The following PLEKHA8 variants were observed in gnomAD, a reference collection of about 807,000 sequenced individuals.
PLEKHA8 encodes the protein pleckstrin homology domain containing A8.
A neutral mutation model predicts 68.2 loss-of-function variants in PLEKHA8; 36 were observed. The observed-to-expected ratio is 0.53, with a 90% CI of 0.40 to 0.70. The LOEUF is 0.70. Among genes scored for constraint, PLEKHA8 ranks in the 30% least tolerant of loss-of-function variants. The pLI is 0.00. For synonymous variants in PLEKHA8, 211 were observed against 216.1 expected (o/e 0.98, Z 0.20); for missense variants, 505 against 615.4 (o/e 0.82, Z 1.90).
At chr7:30,059,783 T>C (rs1583837904) in intron 9 of PLEKHA8, among the ~76,000 whole-genome samples, 2 of 152,198 alleles carry the variant, frequency 1.3e-5, no homozygotes, top group South Asian at 2.1e-4. Flanking sequence ...AAACCACATA[T>C]GTAATTTTAA....
downstream of PLEKHA8, among the ~76,000 whole-genome samples, chr7:30,089,297 T>G (rs932728449): frequency 2.6e-5 from 4 of 152,256 alleles, no homozygotes; most frequent in Admixed American, 1.3e-4. Context: ...AAGTGTCTCA[T>G]GCTGTTCTGG....
chr7:30,061,094 C>T, intron 10 of PLEKHA8, 152 bp downstream of exon 10: 1 of 684,708 alleles, frequency 1.5e-6, no homozygotes, highest in Non-Finnish European at 2.5e-6. Context: ...TGTGAATGCT[C>T]AGTAAGGGAA....
At chr7:30,050,337 A>G in intron 5 of PLEKHA8, 97 bp from the exon 6 acceptor site, 1 of 1,449,180 alleles carries the variant, frequency 6.9e-7, no homozygotes, top group South Asian at 1.4e-5. Context: ...TTTTATGGTC[A>G]TATGGTCATA....
At chr7:30,050,642 C>G (rs1387007035) in intron 6 of PLEKHA8, 168 bp downstream of exon 6, 2 of 873,826 alleles carry the variant, frequency 2.3e-6, no homozygotes, top group East Asian at 3.1e-5. Flanking sequence ...CTGAATCAAC[C>G]CAGAGCAGAC....
At position 30,084,176 on chromosome 7, in the gene PLEKHA8, C is replaced by G. The variant is rs1795082601; in HGVS notation, c.*5389C>G. 1.0e-6 allele frequency: 1 copy of G among 985,180 alleles called. No homozygotes were observed. Among genetic ancestry groups the G allele is most frequent in the African/African-American group, 1.7e-5 (1 of 57,354 alleles). 61.0% of individuals were successfully genotyped at this position (985,180 alleles called of 1,614,324 possible). ...AATTAATGTCTACATAAAGAAGAAA[C>G]ATGATAGACCAGATGCCAAAGGCTA... On this transcript the variant is annotated 3_prime_UTR_variant, in exon 14 of 14. Coordinates refer to ENST00000449726, the MANE Select transcript of PLEKHA8 (RefSeq NM_001197026.2).
At chr7:30,109,612 A>AAAG (rs796856565) in intron 13 of PLEKHA8, among the ~76,000 whole-genome samples, 76 of 104,856 alleles carry the variant, frequency 7.2e-4, no homozygotes, top group African/African-American at 2.1e-3. Context: ...AAAAAAAAAA[A>AAAG]AGAGAGAGAG....
intron 1 of PLEKHA8, among the ~76,000 whole-genome samples, chr7:30,042,249 G>C (rs1413298362): frequency 6.6e-6 from 1 of 152,142 alleles, no homozygotes; most frequent in Non-Finnish European, 1.5e-5. Flanking sequence ...GGACTTCTCA[G>C]TCTCTAGTCA....
chr7:30,116,372 T>A (rs1796563188), intron 13 of PLEKHA8, among the ~76,000 whole-genome samples: 1 of 151,986 alleles, frequency 6.6e-6, no homozygotes, highest in South Asian at 2.1e-4. Context: ...TGTGTGAATA[T>A]CTGTTTACAT....
At chr7:30,031,915 TC>T (rs1225204226) in intron 1 of PLEKHA8, among the ~76,000 whole-genome samples, 1 of 152,162 alleles carries the variant, frequency 6.6e-6, no homozygotes, top group Non-Finnish European at 1.5e-5. Context: ...AAAAGAAGTC[TC>T]TTCCCTTAAA....
At chr7:30,056,401 T>C (rs1792933261) in intron 9 of PLEKHA8, among the ~76,000 whole-genome samples, 1 of 137,242 alleles carries the variant, frequency 7.3e-6, no homozygotes, top group Non-Finnish European at 1.5e-5. Flanking sequence ...ATATAACACA[T>C]ATATATAACA....
At chr7:30,042,338 C>G (rs2127968140) in intron 1 of PLEKHA8, among the ~76,000 whole-genome samples, 1 of 152,270 alleles carries the variant, frequency 6.6e-6, no homozygotes, top group Non-Finnish European at 1.5e-5. Context: ...ACACAGACAC[C>G]CTGACACTCT....
intron 12 of PLEKHA8, among the ~76,000 whole-genome samples, chr7:30,089,947 G>A (rs761494420): frequency 3.3e-5 from 5 of 152,204 alleles, no homozygotes; most frequent in Middle Eastern, 3.2e-3. Flanking sequence ...GGCTTGAAAT[G>A]ATGCAGTGAA....
chr7:30,090,129 T>G (rs1472018823), intron 12 of PLEKHA8: 7 of 1,545,596 alleles, frequency 4.5e-6, no homozygotes, highest in Admixed American at 2.0e-5. Context: ...AATCTTTAGA[T>G]TAAAAGAGTG....
intron 13 of PLEKHA8, among the ~76,000 whole-genome samples, chr7:30,077,291 T>C (rs1471525442): frequency 6.6e-6 from 1 of 152,172 alleles, no homozygotes; most frequent in Non-Finnish European, 1.5e-5. Context: ...CCTTTTGGTC[T>C]TTATCATTCA....
rs1362875562 is a variant in PLEKHA8 at position 30,080,446 on chromosome 7, T to C, written c.*1659T>C. 1 of 985,216 alleles carries C rather than the reference T, an allele frequency of 1.0e-6. No individual in the cohort carries two copies. Among genetic ancestry groups the C allele is most frequent in the Non-Finnish European group, 1.2e-6 (1 of 829,782 alleles). The allele number at this position is 985,216 out of a possible 1,614,324, so 61.0% of individuals were successfully genotyped here. A position where few individuals can be genotyped will look rare whatever the true frequency, so the allele number is the denominator to read the frequency against. ...TTGGTTGAATTGAGAGCATCATCTCTAGATGATGCTGTTCCTGCTGCAGAT... is the reference window on the plus strand; with the variant it reads ...TTGGTTGAATTGAGAGCATCATCTCCAGATGATGCTGTTCCTGCTGCAGAT... On this transcript the variant is annotated 3_prime_UTR_variant, in exon 14 of 14. Transcript: ENST00000449726.
chr7:30,101,318 T>A (rs1285478078), intron 13 of PLEKHA8, among the ~76,000 whole-genome samples: 1 of 152,240 alleles, frequency 6.6e-6, no homozygotes, highest in African/African-American at 2.4e-5. Flanking sequence ...TTGAGGCTGC[T>A]GTAATAAAAT....
chr7:30,034,227 C>G (rs1208926679), intron 1 of PLEKHA8, among the ~76,000 whole-genome samples: 1 of 151,472 alleles, frequency 6.6e-6, no homozygotes, highest in Non-Finnish European at 1.5e-5. Context: ...CCAGGCTGGT[C>G]CGAACTCCTG....
At chr7:30,048,462 C>T (rs1487316636) in intron 4 of PLEKHA8, among the ~76,000 whole-genome samples, 1 of 152,194 alleles carries the variant, frequency 6.6e-6, no homozygotes, top group Non-Finnish European at 1.5e-5. Context: ...TAGACTAGTG[C>T]TTTCAAAGAT....
chr7:30,029,861 G>A (rs909623013), intron 1 of PLEKHA8, among the ~76,000 whole-genome samples: 1 of 152,208 alleles, frequency 6.6e-6, no homozygotes, highest in African/African-American at 2.4e-5. Context: ...CTTCGAGGAG[G>A]TCACACAGCA....
Sources: allele counts gnomAD v4.1 joint callset (sites outside exome capture counted in the v4.1 genomes callset), GRCh38; gene constraint gnomAD v4.1.1; transcripts MANE v1.5; gene names NCBI Gene and HGNC (gene_info 2026-07-23, HGNC 2026-07-21).